Variants in SCFD1 observed in about 807,000 individuals in gnomAD.
SCFD1 encodes sec1 family domain containing 1.
Under a neutral mutation model 103.2 loss-of-function variants are expected in SCFD1, and 37 were observed. The observed-to-expected ratio is 0.36, with a 90% CI of 0.28 to 0.47. The LOEUF (loss-of-function observed/expected upper bound fraction) is 0.47. Ranked by LOEUF, SCFD1 falls within the 20% of genes least tolerant of loss-of-function variation. The pLI is 1.00. For missense variants in SCFD1, 639 were observed against 761.2 expected, an observed-to-expected ratio of 0.84 and a Z score of 1.89; for synonymous variants, 264 against 245.0, an observed-to-expected ratio of 1.08 and a Z score of -0.73.
chr14:30,683,068 G>T, intron 14 of SCFD1: 1 of 1,375,870 alleles, frequency 7.3e-7, no homozygotes, highest in South Asian at 1.2e-5. Flanking sequence ...CTGGTGACCT[G>T]TTTTGAGTAG....
chr14:30,727,404 G>A (rs966427134), intron 23 of SCFD1, among the ~76,000 whole-genome samples: 7 of 152,108 alleles, frequency 4.6e-5, no homozygotes, highest in African/African-American at 1.7e-4. Context: ...AAAACCAATG[G>A]GAGCCAAAAG....
intron 19 of SCFD1, among the ~76,000 whole-genome samples, chr14:30,713,422 T>C (rs966550163): frequency 1.4e-5 from 2 of 148,076 alleles, no homozygotes; most frequent in Non-Finnish European, 2.9e-5. Context: ...TACGAAAGAG[T>C]TGTCTCTGGG....
intron 14 of SCFD1, among the ~76,000 whole-genome samples, chr14:30,684,225 G>A (rs1255197806): frequency 4.6e-5 from 7 of 152,160 alleles, no homozygotes; most frequent in Non-Finnish European, 1.0e-4. Flanking sequence ...TACCCAGGCT[G>A]CTGTTGAACT....
chr14:30,649,546 G>C lies in SCFD1; in HGVS notation c.632G>C (p.Arg211Thr). The C allele has an allele frequency of 6.3e-7, 1 of 1,575,766 alleles. No homozygotes were observed. The highest frequency in any genetic ancestry group is 8.6e-7 in the Non-Finnish European group (1 of 1,167,544). ...AAAATAGGTGCTGTTCCTATAATCA[G>C]ATGTTCAAGAGGAACAGCAGCAGAA... ...FVTLGAVPII[R>T]CSRGTAAEMV... The change falls in exon 8 of 25, where the codon AGA becomes ACA. Residue 211 changes from arginine (R) to threonine (T), a missense_variant. Transcript: ENST00000458591.
chr14:30,680,489 G>A (rs1889385704), intron 14 of SCFD1, among the ~76,000 whole-genome samples: 1 of 152,188 alleles, frequency 6.6e-6, no homozygotes, highest in Non-Finnish European at 1.5e-5. Flanking sequence ...ACCAAAGCCT[G>A]AATTTTAACT....
chr14:30,719,274 C>T, intron 20 of SCFD1, 51 bp from the exon 21 acceptor site: 1 of 1,194,002 alleles, frequency 8.4e-7, no homozygotes, highest in Non-Finnish European at 1.2e-6. Context: ...CCAAACTGAC[C>T]TTCTGAAGAG....
chr14:30,625,599 T>TTATAGGTATAGGTATACCTA (rs201742062), intron 1 of SCFD1, among the ~76,000 whole-genome samples: 1 of 74,424 alleles, frequency 1.3e-5, no homozygotes, highest in South Asian at 4.0e-4. Flanking sequence ...ATCCTTTTTG[T>TTATAGGTATAGGTATACCTA]TATAGGTATA....
chr14:30,673,326 C>A lies in SCFD1; in HGVS notation c.1065C>A (p.Val355=). 6.4e-7 allele frequency: 1 copy of A among 1,573,902 alleles called. No individual in the cohort carries two copies. Among genetic ancestry groups the A allele is most frequent in the South Asian group, 1.1e-5 (1 of 87,654 alleles). The change falls in exon 12 of 25, where the codon GTC becomes GTA. Residue 355 remains valine (V), a synonymous_variant. Coordinates refer to ENST00000458591, the MANE Select transcript of SCFD1 (RefSeq NM_016106.4). ...CTTACAGAGCACAGGAAGATGAGGT[C>A]AAACGACTTAAAAGCATTATGGTAA... ...LESYRAQEDE[V]KRLKSIMGLE... is the part of the protein sequence containing the mutation.
chr14:30,669,149 A>G (rs573204699), intron 10 of SCFD1, among the ~76,000 whole-genome samples: 4 of 152,254 alleles, frequency 2.6e-5, no homozygotes, highest in Admixed American at 2.6e-4. Context: ...TGAGAAAGTT[A>G]CAAGGTTTAT....
In SCFD1 at chr14:30,705,851, G is replaced by C. The variant is rs1594739527; in HGVS notation, c.1519G>C (p.Ala507Pro). The C allele has an allele frequency of 6.2e-7, 1 of 1,613,440 alleles. No individual in the cohort carries two copies. Among genetic ancestry groups the C allele is most frequent in the Non-Finnish European group, 8.5e-7 (1 of 1,179,664 alleles). Residue 507 changes from alanine (A) to proline (P), a missense_variant, in exon 18 of 25, where the codon GCC (alanine) becomes CCC (proline). Coordinates refer to ENST00000458591, the MANE Select transcript of SCFD1 (RefSeq NM_016106.4). ...KAFTKMASAP[A>P]SYGSTTTKPM... Reference sequence around the variant, plus strand: ...TTTTACCAAGATGGCCTCAGCTCCGGCCAGCTATGGCAGCACTACCACTAA... The same window carrying C: ...TTTTACCAAGATGGCCTCAGCTCCGCCCAGCTATGGCAGCACTACCACTAA...
chr14:30,703,962 T>TATAA (rs1566646075), intron 17 of SCFD1, among the ~76,000 whole-genome samples: 2 of 42,358 alleles, frequency 4.7e-5, no homozygotes, highest in Admixed American at 2.7e-4. Context: ...TATATATATA[T>TATAA]AAATAATGAG....
chr14:30,733,627 T>C (rs1301686765), intron 23 of SCFD1, among the ~76,000 whole-genome samples: 1 of 152,224 alleles, frequency 6.6e-6, no homozygotes, highest in Non-Finnish European at 1.5e-5. Flanking sequence ...TAACTAGTGA[T>C]GAATTCTGGG....
At chr14:30,634,552 T>C (rs1467885103) in intron 4 of SCFD1, among the ~76,000 whole-genome samples, 1 of 152,126 alleles carries the variant, frequency 6.6e-6, no homozygotes, top group African/African-American at 2.4e-5. Flanking sequence ...AAATAACCCC[T>C]GCAAATAAGG....
At chr14:30,654,673 CAAAAA>C (rs397967329) in intron 10 of SCFD1, among the ~76,000 whole-genome samples, 1 of 82,508 alleles carries the variant, frequency 1.2e-5, no homozygotes, top group Non-Finnish European at 2.9e-5. Flanking sequence ...GACCTAGTCT[CAAAAA>C]AAAAAAAAAA....
chr14:30,724,904 G>A (rs1218169741), intron 23 of SCFD1, among the ~76,000 whole-genome samples: 4 of 152,152 alleles, frequency 2.6e-5, no homozygotes, highest in Non-Finnish European at 5.9e-5. Context: ...TTCTGCATAT[G>A]GCTAGCCAGT....
At chr14:30,674,100 G>A in intron 13 of SCFD1, 103 bp downstream of exon 13, 2 of 732,802 alleles carry the variant, frequency 2.7e-6, no homozygotes, top group African/African-American at 1.8e-5. Flanking sequence ...GAAACTGTAG[G>A]CAATAGCAAA....
intron 21 of SCFD1, 59 bp downstream of exon 21, chr14:30,719,436 T>A: frequency 7.9e-7 from 1 of 1,262,236 alleles, no homozygotes; most frequent in Non-Finnish European, 1.1e-6. Flanking sequence ...ATGGAAATAA[T>A]TTTTTTATTA....
At chr14:30,672,339 G>A (rs998270244) in intron 11 of SCFD1, among the ~76,000 whole-genome samples, 3 of 152,120 alleles carry the variant, frequency 2.0e-5, no homozygotes, top group African/African-American at 7.2e-5. Flanking sequence ...GTGCTTGTGA[G>A]GTAAAATTGG....
intron 1 of SCFD1, among the ~76,000 whole-genome samples, chr14:30,626,211 T>G (rs1300446028): frequency 6.6e-6 from 1 of 152,028 alleles, no homozygotes; most frequent in African/African-American, 2.4e-5. Flanking sequence ...TTATTTAATG[T>G]AAAACCTGTG....
Sources: allele counts gnomAD v4.1 joint callset (sites outside exome capture counted in the v4.1 genomes callset), GRCh38; gene constraint gnomAD v4.1.1; transcripts MANE v1.5; gene names NCBI Gene and HGNC (gene_info 2026-07-23, HGNC 2026-07-21).